The following FBXW4 variants were observed in gnomAD, a reference collection of about 807,000 sequenced individuals.
FBXW4 encodes the protein F-box/WD repeat-containing protein 4.
In FBXW4, 40 loss-of-function variants were observed where a neutral mutation model predicts 61.8. The ratio of observed to expected loss-of-function variants is 0.65; its 90% CI spans 0.50 to 0.84. The LOEUF is 0.84. FBXW4 is among the 40% of genes least tolerant of loss of function. The pLI, the probability that FBXW4 is intolerant of heterozygous loss-of-function variation, is 0.00. For missense variants in FBXW4, 672 were observed against 753.8 expected (o/e 0.89, Z 1.27); for synonymous variants, 311 against 313.8 (o/e 0.99, Z 0.10).
intron 6 of FBXW4, 38 bp downstream of exon 6, chr10:101,624,705 TCC>T: frequency 1.2e-6 from 2 of 1,610,382 alleles, no homozygotes; most frequent in Non-Finnish European, 1.7e-6. Flanking sequence ...TTCCCTCACC[TCC>T]TGGACTGGAA....
chr10:101,688,886 T>G (rs1564928430), intron 1 of FBXW4, among the ~76,000 whole-genome samples: 1 of 152,182 alleles, frequency 6.6e-6, no homozygotes. Flanking sequence ...TTTTGGAGCC[T>G]GGTCTCAATA....
intron 5 of FBXW4, among the ~76,000 whole-genome samples, chr10:101,655,715 G>A (rs781631375): frequency 6.6e-6 from 1 of 152,236 alleles, no homozygotes; most frequent in African/African-American, 2.4e-5. Flanking sequence ...TGCATGAGTC[G>A]AGTCCTTGGG....
intron 1 of FBXW4, among the ~76,000 whole-genome samples, chr10:101,690,338 T>C (rs1472917904): frequency 1.3e-5 from 2 of 152,242 alleles, no homozygotes; most frequent in African/African-American, 4.8e-5. Context: ...AAGACTGCTA[T>C]ATGAAACATT....
At position 101,611,143 on chromosome 10, in the gene FBXW4, G is replaced by A. The variant is rs1336911236; in HGVS notation, c.*148C>T. 2.9e-6 allele frequency: 3 copies of A among 1,024,282 alleles called. No homozygotes were observed. Among genetic ancestry groups the A allele is most frequent in the African/African-American group, 3.2e-5 (2 of 61,818 alleles). The allele number at this position is 1,024,282 out of a possible 1,614,324, so 63.4% of individuals were successfully genotyped here. A position where few individuals can be genotyped will look rare whatever the true frequency, so the allele number is the denominator to read the frequency against. ...AGCTCCAAAGTCCCAGGAGTCAGAA[G>A]CCTCTAGTGCAAGGTGCCTGAGCAC... is the stretch of plus-strand genomic sequence containing the variant. On this transcript the variant is annotated 3_prime_UTR_variant, in exon 9 of 9. Transcript: ENST00000331272. The surrounding 1 kb of genome is among the most constrained non-coding windows in gnomAD (Gnocchi z 4.9).
At chr10:101,681,656 G>C (rs986297813) in intron 1 of FBXW4, among the ~76,000 whole-genome samples, 3 of 149,282 alleles carry the variant, frequency 2.0e-5, no homozygotes, top group Admixed American at 1.3e-4. Context: ...GGCAGCGCTT[G>C]CAGTGAGCTG....
At chr10:101,666,201 C>G (rs2064298337) in intron 5 of FBXW4, among the ~76,000 whole-genome samples, 1 of 152,196 alleles carries the variant, frequency 6.6e-6, no homozygotes, top group South Asian at 2.1e-4. Flanking sequence ...TTCCTTCCCT[C>G]TTTCCTACGA....
chr10:101,694,446 A>G lies in FBXW4; in HGVS notation c.660T>C (p.Asp220=). The change falls in exon 1 of 9, where the codon GAT becomes GAC. Residue 220 remains aspartate (D), a synonymous_variant. Transcript: ENST00000331272. This position sits in a 1 kb window ranked among gnomAD's most constrained non-coding sequence, Gnocchi z 6.0. ...CRWLRRFTSC[D]LLWRRIARAS... is the part of the protein sequence containing the mutation. ...CCCGGGCTATCCGGCGCCAGAGCAG[A>G]TCGCAGCTGGTGAAGCGCCGCAGCC... The G allele has an allele frequency of 6.5e-7, 1 of 1,536,698 alleles. No individual in the cohort carries two copies.
chr10:101,658,568 A>G (rs118079769), intron 5 of FBXW4, among the ~76,000 whole-genome samples: 4,164 of 152,210 alleles, frequency 0.027, 87 homozygotes, highest in Non-Finnish European at 0.04. Flanking sequence ...AATGGTTTGA[A>G]ATGAAAAAGA....
intron 5 of FBXW4, among the ~76,000 whole-genome samples, chr10:101,628,986 A>G (rs974820194): frequency 3.9e-5 from 6 of 152,262 alleles, no homozygotes; most frequent in Non-Finnish European, 5.9e-5. Flanking sequence ...ATCAGGCTCC[A>G]GAAGTAGACA....
chr10:101,653,786 C>G (rs2064163314), intron 5 of FBXW4, among the ~76,000 whole-genome samples: 1 of 152,174 alleles, frequency 6.6e-6, no homozygotes, highest in African/African-American at 2.4e-5. Flanking sequence ...TTTCATACTT[C>G]CCATGTGATC....
intron 5 of FBXW4, among the ~76,000 whole-genome samples, chr10:101,656,366 T>C (rs1285418670): frequency 6.6e-6 from 1 of 152,212 alleles, no homozygotes; most frequent in Non-Finnish European, 1.5e-5. Context: ...CACACCTCTC[T>C]AGAGGTGTGG....
intron 6 of FBXW4, among the ~76,000 whole-genome samples, chr10:101,613,942 C>T (rs903383004): frequency 4.6e-5 from 7 of 152,228 alleles, no homozygotes; most frequent in Admixed American, 4.6e-4. Flanking sequence ...TGTTGGGGGG[C>T]TCCTGAGAGG....
chr10:101,667,959 G>C lies in FBXW4; in HGVS notation c.1162C>G (p.Arg388Gly), dbSNP rs141202852. 3 of 1,614,002 alleles carry C rather than the reference G, an allele frequency of 1.9e-6. No homozygotes were observed. The highest frequency in any genetic ancestry group is 2.5e-6 in the Non-Finnish European group (3 of 1,179,978). ...TAKVWPLASG[R>G]LGQCLHTIQT... ...ATGGTGTGTAAGCACTGCCCCAGCC[G>C]GCCTGAGGCCAAAGGCCACACCTAG... The change falls in exon 5 of 9, where the codon CGG becomes GGG. Residue 388 changes from arginine (R) to glycine (G), a missense_variant. Transcript: ENST00000331272.
intron 6 of FBXW4, among the ~76,000 whole-genome samples, chr10:101,624,428 C>A (rs1180607684): frequency 6.6e-6 from 1 of 152,184 alleles, no homozygotes; most frequent in Non-Finnish European, 1.5e-5. Flanking sequence ...TTTATTTTAG[C>A]AAAATCATCT....
At chr10:101,673,400 G>A (rs2064376635) in intron 3 of FBXW4, 88 bp downstream of exon 3, 1 of 1,441,888 alleles carries the variant, frequency 6.9e-7, no homozygotes, top group Non-Finnish European at 9.6e-7. Flanking sequence ...TCATCCCTTT[G>A]GAGTTAAGAC....
intron 5 of FBXW4, chr10:101,626,982 A>G (rs1158065408): frequency 6.6e-6 from 1 of 150,984 alleles, no homozygotes; most frequent in African/African-American, 2.4e-5. Flanking sequence ...TGGCCCACCC[A>G]CATCTGGCCC....
At chr10:101,660,329 G>GTT in intron 5 of FBXW4, 4 of 703,336 alleles carry the variant, frequency 5.7e-6, no homozygotes, top group Non-Finnish European at 7.0e-6. Context: ...AGTTGGGTTG[G>GTT]GAGGGGGGGT....
chr10:101,652,020 G>A (rs1023639765), intron 5 of FBXW4, among the ~76,000 whole-genome samples: 2 of 151,906 alleles, frequency 1.3e-5, no homozygotes, highest in Admixed American at 1.3e-4. Context: ...GGGAGGAGGG[G>A]AGAGATTCCC....
At chr10:101,652,608 A>G (rs1202545479) in intron 5 of FBXW4, among the ~76,000 whole-genome samples, 1 of 152,238 alleles carries the variant, frequency 6.6e-6, no homozygotes, top group Non-Finnish European at 1.5e-5. Context: ...AACTAGAAAA[A>G]AAAGGCAAAT....
Sources: allele counts gnomAD v4.1 joint callset (sites outside exome capture counted in the v4.1 genomes callset), GRCh38; gene constraint gnomAD v4.1.1; non-coding constraint Gnocchi (gnomAD v3.1); transcripts MANE v1.5; gene names NCBI Gene and HGNC (gene_info 2026-07-23, HGNC 2026-07-21).